GPC5: variants seen among roughly 807,000 people sequenced by gnomAD.
GPC5 encodes glypican-5.
In GPC5, 47 loss-of-function variants were observed where a neutral mutation model predicts 53.9. The ratio of observed to expected loss-of-function variants is 0.87; its 90% CI spans 0.69 to 1.11. The LOEUF (loss-of-function observed/expected upper bound fraction) is 1.11. GPC5 is among the 50% of genes most tolerant of loss of function. GPC5 has a pLI of 0.00. For synonymous variants in GPC5, 286 were observed against 263.3 expected (o/e 1.09, Z -0.84); for missense variants, 748 against 713.1 (o/e 1.05, Z -0.56).
chr13:92,054,451 A>T (rs1159035148), intron 6 of GPC5, among the ~76,000 whole-genome samples: 1 of 152,152 alleles, frequency 6.6e-6, no homozygotes, highest in Non-Finnish European at 1.5e-5. Flanking sequence ...AATTGTTCTG[A>T]GTATTTTATG....
intron 7 of GPC5, among the ~76,000 whole-genome samples, chr13:92,613,594 A>AT (rs1256082658): frequency 4.1e-5 from 5 of 123,396 alleles, no homozygotes; most frequent in Admixed American, 1.9e-4. Context: ...TTTATATATC[A>AT]TTTTATTATA....
chr13:92,290,938 G>A (rs1213344394), intron 7 of GPC5, among the ~76,000 whole-genome samples: 4 of 152,158 alleles, frequency 2.6e-5, no homozygotes, highest in Admixed American at 6.5e-5. Context: ...GTGGGCCAGC[G>A]TGAGTTCTGG....
chr13:91,409,524 T>C (rs1877569881), intron 1 of GPC5, among the ~76,000 whole-genome samples: 1 of 152,234 alleles, frequency 6.6e-6, no homozygotes, highest in South Asian at 2.1e-4. Context: ...CAATTCATCT[T>C]TGGAAATATC....
chr13:91,816,992 A>G (rs1464634213), intron 5 of GPC5, among the ~76,000 whole-genome samples: 2 of 152,218 alleles, frequency 1.3e-5, no homozygotes, highest in East Asian at 3.8e-4. Flanking sequence ...CTCTTTTTCC[A>G]TCTCTCCAGT....
At chr13:91,591,481 C>T (rs118101204) in intron 2 of GPC5, among the ~76,000 whole-genome samples, 2,306 of 152,228 alleles carry the variant, frequency 0.015, 34 homozygotes, top group Middle Eastern at 0.041. Flanking sequence ...TCATGTCAAC[C>T]TCTCTCATGC....
chr13:92,827,186 CA>C (rs1280187964), intron 7 of GPC5, among the ~76,000 whole-genome samples: 1 of 152,036 alleles, frequency 6.6e-6, no homozygotes, highest in East Asian at 1.9e-4. Context: ...AGGAATGACA[CA>C]GGAGGAATGC....
intron 7 of GPC5, among the ~76,000 whole-genome samples, chr13:92,606,017 A>G (rs1434617656): frequency 6.6e-6 from 1 of 152,184 alleles, no homozygotes; most frequent in African/African-American, 2.4e-5. Context: ...TTAAGAAGGT[A>G]TTAAACCTTT....
At position 91,954,576 on chromosome 13, in the gene GPC5, A is replaced by G. The variant is rs8000283; in HGVS notation, c.1401+46519A>G. 5.5e-3 allele frequency among the ~76,000 whole-genome samples: 836 copies of G among 152,240 alleles called. 14 individuals are homozygous for G. The highest frequency in any genetic ancestry group is 0.019 in the African/African-American group (806 of 41,584). ...CGTATAAAAATTAGACACTACTACT[A>G]AGGGGAAATCCCTTAACATGATAAG... On this transcript the variant is annotated intron_variant, in intron 6 of 7. Coordinates refer to ENST00000377067, the MANE Select transcript of GPC5 (RefSeq NM_004466.6).
intron 7 of GPC5, among the ~76,000 whole-genome samples, chr13:92,385,571 C>T (rs796392050): frequency 2.4e-3 from 119 of 48,622 alleles, no homozygotes; most frequent in East Asian, 8.4e-3. Context: ...TATACATATA[C>T]GCATATATAA....
chr13:92,718,845 T>C (rs1299761576), intron 7 of GPC5, among the ~76,000 whole-genome samples: 1 of 149,048 alleles, frequency 6.7e-6, no homozygotes, highest in Non-Finnish European at 1.5e-5. Flanking sequence ...GAACCCAGAT[T>C]GCACCACTGC....
intron 7 of GPC5, among the ~76,000 whole-genome samples, chr13:92,332,626 A>G (rs1307652074): frequency 6.6e-6 from 1 of 152,230 alleles, no homozygotes; most frequent in African/African-American, 2.4e-5. Flanking sequence ...AATGCTGTTA[A>G]TATAGATAAC....
At chr13:92,238,771 T>A (rs2139111929) in intron 7 of GPC5, among the ~76,000 whole-genome samples, 1 of 103,874 alleles carries the variant, frequency 9.6e-6, no homozygotes, top group South Asian at 3.6e-4. Context: ...AATTTTGATG[T>A]TCAATTTATC....
chr13:92,014,902 G>A (rs2040693814), intron 6 of GPC5, among the ~76,000 whole-genome samples: 1 of 152,034 alleles, frequency 6.6e-6, no homozygotes, highest in Admixed American at 6.6e-5. Flanking sequence ...AGCAAATATG[G>A]GAGTGCCTTG....
intron 6 of GPC5, among the ~76,000 whole-genome samples, chr13:91,942,061 G>A (rs1489314147): frequency 6.6e-6 from 1 of 152,004 alleles, no homozygotes; most frequent in Non-Finnish European, 1.5e-5. Flanking sequence ...TTGGTGATAA[G>A]AACATTTAAG....
At chr13:92,739,630 C>T (rs541833853) in intron 7 of GPC5, among the ~76,000 whole-genome samples, 29 of 151,648 alleles carry the variant, frequency 1.9e-4, no homozygotes, top group South Asian at 4.2e-4. Context: ...ACTATCATTA[C>T]GTCATCTCTC....
At chr13:92,695,260 T>C (rs1887525247) in intron 7 of GPC5, among the ~76,000 whole-genome samples, 1 of 152,244 alleles carries the variant, frequency 6.6e-6, no homozygotes, top group Non-Finnish European at 1.5e-5. Flanking sequence ...TTGCTCACTT[T>C]TTAATGGGGT....
intron 6 of GPC5, among the ~76,000 whole-genome samples, chr13:91,913,156 T>C (rs913071970): frequency 6.6e-6 from 1 of 152,094 alleles, no homozygotes; most frequent in African/African-American, 2.4e-5. Flanking sequence ...ATCCCAGCAT[T>C]TTGAGAGGCC....
chr13:92,577,557 A>G (rs1883229638), intron 7 of GPC5, among the ~76,000 whole-genome samples: 2 of 152,056 alleles, frequency 1.3e-5, no homozygotes, highest in Non-Finnish European at 2.9e-5. Context: ...TCAATTTCCA[A>G]AATCCATGTG....
intron 1 of GPC5, among the ~76,000 whole-genome samples, chr13:91,428,279 A>G (rs985399863): frequency 3.2e-4 from 49 of 152,132 alleles, no homozygotes; most frequent in African/African-American, 1.1e-3. Flanking sequence ...TTTCTGAGTG[A>G]CAGAAAGAAA....
Sources: gnomAD v4.1 joint callset for allele counts (sites outside exome capture counted in the v4.1 genomes callset) on GRCh38, gnomAD v4.1.1 for gene constraint, MANE v1.5 for transcripts, NCBI Gene and HGNC (gene_info 2026-07-23, HGNC 2026-07-21) for gene names.